MFSD12: variants seen among roughly 807,000 people sequenced by gnomAD.
MFSD12 encodes the protein major facilitator superfamily domain containing 12, also known as major facilitator superfamily domain-containing protein 12.
Under a neutral mutation model 51.2 loss-of-function variants are expected in MFSD12, and 67 were observed. The ratio of observed to expected loss-of-function variants is 1.31; its 90% CI spans 1.08 to 1.60. MFSD12 has a LOEUF of 1.60. Ranked by LOEUF, MFSD12 falls within the 40% of genes most tolerant of loss-of-function variation. MFSD12 has a pLI of 0.00. For synonymous variants in MFSD12, 441 were observed against 316.7 expected (o/e 1.39, Z -4.17); for missense variants, 921 against 673.0 (o/e 1.37, Z -4.08).
chr19:3,550,455 T>G (rs542120731), intron 2 of MFSD12, among the ~76,000 whole-genome samples: 26 of 151,490 alleles, frequency 1.7e-4, no homozygotes, highest in African/African-American at 5.8e-4. Context: ...GCAGTGGCGC[T>G]ATCTTGGCTC....
Position 3,547,254 on chromosome 19 carries a change from C to T in MFSD12, c.1023+18G>A, listed in dbSNP as rs755162425. ...CCCCATCCTCCGCCCCAGCTGTCCC[C>T]GGTCCCCGCCCACTCACGTTCCTCC... On this transcript the variant is annotated intron_variant, in intron 6 of 9. Transcript: ENST00000355415. 170 of 1,606,714 alleles carry T rather than the reference C, an allele frequency of 1.1e-4. No individual in the cohort carries two copies. Among genetic ancestry groups the T allele is most frequent in the Middle Eastern group, 5.0e-4 (3 of 6,036 alleles).
chr19:3,557,532 C>G lies in MFSD12; in HGVS notation c.-129G>C, dbSNP rs1568265602. On this transcript the variant is annotated 5_prime_UTR_variant, in exon 1 of 10. Transcript: ENST00000355415. ...CGCCGGGCACCCCGCGTCCCGCTCT[C>G]TTACGGCCGCGCCCTCACCCACGTC... The G allele has an allele frequency of 2.1e-6, 1 of 470,208 alleles. No homozygotes were observed. Among genetic ancestry groups the G allele is most frequent in the Non-Finnish European group, 3.0e-6 (1 of 332,290 alleles). 29.1% of individuals were successfully genotyped at this position (470,208 alleles called of 1,614,324 possible).
At chr19:3,548,524 G>A (rs1156680184) in intron 2 of MFSD12, among the ~76,000 whole-genome samples, 1 of 152,156 alleles carries the variant, frequency 6.6e-6, no homozygotes, top group African/African-American at 2.4e-5. Flanking sequence ...TCGGCCAAGC[G>A]GAGTCCAGGC....
At chr19:3,547,778 G>T in intron 4 of MFSD12, 70 bp downstream of exon 4, 1 of 1,437,764 alleles carries the variant, frequency 7.0e-7, no homozygotes. Flanking sequence ...GGACGCAGCT[G>T]CCCCACAGAG....
rs1206599252 is a variant in MFSD12, at chr19:3,544,745, G to A, written c.1421-13C>T. On this transcript the variant is annotated splice_polypyrimidine_tract_variant and intron_variant, in intron 9 of 9. Transcript: ENST00000355415. Reference sequence around the variant, plus strand: ...GCATCACGGTCCCCTGCAAGGGAGGGGTGGAAATGGCATTAGAGAGTGTGG... The same window carrying A: ...GCATCACGGTCCCCTGCAAGGGAGGAGTGGAAATGGCATTAGAGAGTGTGG... 2 of 1,605,334 alleles carry A rather than the reference G, an allele frequency of 1.2e-6. No individual in the cohort carries two copies. Among genetic ancestry groups the A allele is most frequent in the Non-Finnish European group, 1.7e-6 (2 of 1,174,726 alleles).
chr19:3,557,160 G>T lies in MFSD12; in HGVS notation c.244C>A (p.Arg82Ser). Residue 82 changes from arginine to serine, a missense_variant, in exon 1 of 10, where the codon CGC (arginine) becomes AGC (serine). Physicochemically the swap from Arg to Ser is moderately radical, Grantham distance 110. Coordinates refer to ENST00000355415, the MANE Select transcript of MFSD12 (RefSeq NM_174983.5). Reference protein sequence around the residue: ...CTPLVGYEADRAASCCARYGP... With the variant: ...CTPLVGYEADSAASCCARYGP... ...TAGCGGGCGCAGCAGCTGGCGGCGC[G>T]GTCGGCCTCGTAGCCCACGAGCGGT... 1.3e-6 allele frequency: 2 copies of T among 1,523,730 alleles called. No homozygotes were observed. Among genetic ancestry groups the T allele is most frequent in the East Asian group, 5.3e-5 (2 of 37,406 alleles). 94.4% of individuals were successfully genotyped at this position (1,523,730 alleles called of 1,614,324 possible).
At chr19:3,542,712 A>T, downstream of MFSD12, 4 of 1,288,396 alleles carry the variant, frequency 3.1e-6, no homozygotes, top group Non-Finnish European at 4.1e-6. Flanking sequence ...CGAACTCCTG[A>T]CCTCAAGTGA....
At chr19:3,546,502 C>T (rs1477192409) in intron 6 of MFSD12, 77 bp from the exon 7 acceptor site, 3 of 1,483,060 alleles carry the variant, frequency 2.0e-6, no homozygotes, top group Non-Finnish European at 2.7e-6. Flanking sequence ...CCACCCCTAC[C>T]CCCAACCCCA....
chr19:3,550,459 T>C (rs1401687060), intron 2 of MFSD12, among the ~76,000 whole-genome samples: 1 of 151,836 alleles, frequency 6.6e-6, no homozygotes, highest in Non-Finnish European at 1.5e-5. Flanking sequence ...TGGCGCTATC[T>C]TGGCTCACTG....
chr19:3,543,209 A>G, downstream of MFSD12: 1 of 1,535,822 alleles, frequency 6.5e-7, no homozygotes, highest in South Asian at 1.2e-5. Flanking sequence ...ACATGGGCTC[A>G]GTCTCTGCCC....
intron 1 of MFSD12, among the ~76,000 whole-genome samples, chr19:3,556,584 C>T (rs952268559): frequency 6.9e-6 from 1 of 144,136 alleles, no homozygotes; most frequent in African/African-American, 2.6e-5. Flanking sequence ...AGGCACAGCA[C>T]AGTCAGACGG....
intron 2 of MFSD12, among the ~76,000 whole-genome samples, chr19:3,549,430 A>G (rs115135719): frequency 0.014 from 2,121 of 152,330 alleles, 53 homozygotes; most frequent in African/African-American, 0.047. Flanking sequence ...GTGTGTCCAC[A>G]GGGAGATTAC....
downstream of MFSD12, chr19:3,544,164 C>T (rs2030728163): frequency 2.2e-6 from 3 of 1,379,112 alleles, no homozygotes; most frequent in East Asian, 2.8e-5. Context: ...GCTACCCCTG[C>T]CCAGAGCCCC....
intron 8 of MFSD12, among the ~76,000 whole-genome samples, chr19:3,545,274 T>C (rs2030899020): frequency 6.6e-6 from 1 of 152,210 alleles, no homozygotes; most frequent in Non-Finnish European, 1.5e-5. Context: ...AGAGGGCGTC[T>C]GTGAGCGCCT....
chr19:3,543,132 C>T (rs534730253), downstream of MFSD12: 160 of 1,511,774 alleles, frequency 1.1e-4, 1 homozygote, highest in South Asian at 8.2e-4. Flanking sequence ...GACCCCACGC[C>T]GTGGGCCAGG....
exon 5 of MFSD12, chr19:3,538,411 G>A (rs1157086888): frequency 3.3e-6 from 1 of 302,130 alleles, no homozygotes; most frequent in East Asian, 9.5e-5. Context: ...CCAGAAGGCA[G>A]CCCTGTCCCC....
chr19:3,548,696 C>T (rs1340874778), intron 2 of MFSD12, among the ~76,000 whole-genome samples: 1 of 152,218 alleles, frequency 6.6e-6, no homozygotes, highest in African/African-American at 2.4e-5. Context: ...CCCGGGGGGC[C>T]TCAGAATCCT....
rs754030978 is a variant in MFSD12 at position 3,546,188 on chromosome 19, G to T, written c.1195-20C>A. 4.3e-6 allele frequency: 7 copies of T among 1,611,042 alleles called. No homozygotes were observed. The Admixed American group carries it at 5.0e-5, about 12-fold the overall frequency. On this transcript the variant is annotated intron_variant, in intron 7 of 9. Transcript: ENST00000355415. The stretch of plus-strand genomic sequence containing the variant: ...GCTGTTCTGTGGAGACACAGGCGAG[G>T]TGGTCAGCGTGCACCCCGAGATCTA...
intron 2 of MFSD12, among the ~76,000 whole-genome samples, chr19:3,549,893 G>A (rs745685591): frequency 5.9e-5 from 9 of 152,004 alleles, no homozygotes; most frequent in South Asian, 2.1e-4. Flanking sequence ...AAAATTAGCC[G>A]AGATCGTGCC....
Sources: allele counts gnomAD v4.1 joint callset (sites outside exome capture counted in the v4.1 genomes callset), GRCh38; gene constraint gnomAD v4.1.1; transcripts MANE v1.5; gene names NCBI Gene and HGNC (gene_info 2026-07-23, HGNC 2026-07-21).